The following PCDH15 variants were observed in gnomAD, a reference collection of about 807,000 sequenced individuals.
PCDH15 encodes the protein protocadherin-15.
A neutral mutation model predicts 178.5 loss-of-function variants in PCDH15; 129 were observed. That is an observed-to-expected ratio of 0.72 (90% confidence interval 0.63 to 0.84). PCDH15 has a LOEUF of 0.84. PCDH15 is among the 40% of genes least tolerant of loss of function. The pLI is 0.00. For synonymous variants in PCDH15, 800 were observed against 732.0 expected, an observed-to-expected ratio of 1.09 and a Z score of -1.50; for missense variants, 2,230 against 2,099.9, an observed-to-expected ratio of 1.06 and a Z score of -1.21.
At chr10:53,961,937 AAC>A (rs2088378385) in intron 21 of PCDH15, 45 bp from the exon 22 acceptor site, 1 of 1,433,996 alleles carries the variant, frequency 7.0e-7, no homozygotes, top group African/African-American at 1.4e-5. Context: ...ACCAAGTTAA[AAC>A]ACAGTGCAAT....
At chr10:55,259,039 T>C (rs574702567) in intron 1 of PCDH15, among the ~76,000 whole-genome samples, 2 of 152,270 alleles carry the variant, frequency 1.3e-5, no homozygotes, top group South Asian at 4.1e-4. Flanking sequence ...GTCAGGCAGA[T>C]GGATTTGAGA....
At chr10:54,362,112 C>T (rs1222254411) in intron 5 of PCDH15, among the ~76,000 whole-genome samples, 1 of 151,994 alleles carries the variant, frequency 6.6e-6, no homozygotes, top group Non-Finnish European at 1.5e-5. Context: ...ATTTGCTTGG[C>T]ACACAATGCA....
At chr10:54,023,538 T>C (rs1194736567) in intron 18 of PCDH15, among the ~76,000 whole-genome samples, 4 of 148,382 alleles carry the variant, frequency 2.7e-5, no homozygotes, top group Non-Finnish European at 6.0e-5. Context: ...GTAATTCATT[T>C]AACATAATCT....
chr10:53,890,131 A>C (rs1290523312), intron 26 of PCDH15, among the ~76,000 whole-genome samples: 1 of 152,226 alleles, frequency 6.6e-6, no homozygotes, highest in Non-Finnish European at 1.5e-5. Context: ...ATTATACATC[A>C]AAAATATTCT....
At chr10:54,810,993 A>G (rs1404290539) in intron 3 of PCDH15, among the ~76,000 whole-genome samples, 1 of 152,158 alleles carries the variant, frequency 6.6e-6, no homozygotes, top group Non-Finnish European at 1.5e-5. Context: ...AGCAAAAAGT[A>G]TCTGTAGAAA....
At chr10:54,395,829 T>A (rs192621025) in intron 3 of PCDH15, among the ~76,000 whole-genome samples, 1 of 152,320 alleles carries the variant, frequency 6.6e-6, no homozygotes, top group East Asian at 1.9e-4. Context: ...CATAAATATA[T>A]CTAATACATT....
intron 10 of PCDH15, among the ~76,000 whole-genome samples, chr10:54,210,944 T>C (rs1046874154): frequency 1.3e-5 from 2 of 152,098 alleles, no homozygotes; most frequent in East Asian, 3.9e-4. Context: ...GCAATTGTTA[T>C]TTGAAGAACT....
rs192419834 is a variant in PCDH15 at position 54,779,389 on chromosome 10, T to C, written c.-29+21536A>G. Among the ~76,000 whole-genome samples the C allele has an allele frequency of 8.4e-3, 853 of 101,358 alleles. 17 individuals carry two copies. The East Asian group carries it at 0.095, about 11-fold the overall frequency. The allele number at this position is 101,358 out of a possible 152,430, so 66.5% of individuals were successfully genotyped here. ...TAATATATATATTTATCTGTCTCTC[T>C]CTCTCTATATATATATGTATATATA... On this transcript the variant is annotated intron_variant, in intron 1 of 37. Coordinates refer to ENST00000644397, the MANE Select transcript of PCDH15 (RefSeq NM_001384140.1).
intron 1 of PCDH15, among the ~76,000 whole-genome samples, chr10:54,694,539 C>T (rs567566905): frequency 1.3e-5 from 2 of 152,092 alleles, no homozygotes; most frequent in Non-Finnish European, 2.9e-5. Flanking sequence ...CATTGTTTTT[C>T]CAATAGCATG....
intron 15 of PCDH15, among the ~76,000 whole-genome samples, chr10:54,119,560 C>G (rs73239926): frequency 0.36 from 54,182 of 151,874 alleles, 10,106 homozygotes; most frequent in Non-Finnish European, 0.42. Flanking sequence ...AGAAAACAAC[C>G]TGGAAATTAC....
At chr10:54,203,410 T>G (rs2133999447) in intron 10 of PCDH15, among the ~76,000 whole-genome samples, 1 of 152,298 alleles carries the variant, frequency 6.6e-6, no homozygotes, top group South Asian at 2.1e-4. Flanking sequence ...ACAGTATCAA[T>G]ATAGTTTTGG....
chr10:54,851,513 T>C (rs1410757777), intron 3 of PCDH15, among the ~76,000 whole-genome samples: 1 of 152,180 alleles, frequency 6.6e-6, no homozygotes, highest in East Asian at 1.9e-4. Context: ...CAATATAAAC[T>C]AACACAAGCC....
At chr10:54,837,193 A>C (rs1953331663) in intron 3 of PCDH15, among the ~76,000 whole-genome samples, 1 of 152,126 alleles carries the variant, frequency 6.6e-6, no homozygotes, top group African/African-American at 2.4e-5. Context: ...TCAAAACTAA[A>C]AGTTAGTAGA....
At chr10:54,814,260 A>G (rs1952914069) in intron 3 of PCDH15, among the ~76,000 whole-genome samples, 1 of 152,204 alleles carries the variant, frequency 6.6e-6, no homozygotes, top group South Asian at 2.1e-4. Context: ...CCCTTGCACT[A>G]TATTCCAGAA....
At chr10:55,483,888 G>A (rs1840240052) in intron 2 of PCDH15, among the ~76,000 whole-genome samples, 1 of 150,734 alleles carries the variant, frequency 6.6e-6, no homozygotes, top group Non-Finnish European at 1.5e-5. Context: ...CAATAGCAAA[G>A]ACATGAAAGC....
At chr10:54,494,325 A>G (rs2079907115) in intron 3 of PCDH15, among the ~76,000 whole-genome samples, 1 of 152,136 alleles carries the variant, frequency 6.6e-6, no homozygotes, top group African/African-American at 2.4e-5. Flanking sequence ...TACAACTTAG[A>G]TAAGACCCAC....
intron 18 of PCDH15, among the ~76,000 whole-genome samples, chr10:54,038,576 G>C (rs2135491311): frequency 6.6e-6 from 1 of 152,074 alleles, no homozygotes; most frequent in East Asian, 1.9e-4. Context: ...TCAGGCATCA[G>C]TCAGGATATG....
intron 23 of PCDH15, among the ~76,000 whole-genome samples, chr10:53,956,340 T>C (rs2087613437): frequency 6.6e-6 from 1 of 152,156 alleles, no homozygotes; most frequent in Admixed American, 6.5e-5. Flanking sequence ...CAGATACTGC[T>C]ATGTATTTCC....
chr10:54,763,132 C>T (rs1455049075), intron 1 of PCDH15, among the ~76,000 whole-genome samples: 2 of 152,082 alleles, frequency 1.3e-5, no homozygotes, highest in African/African-American at 2.4e-5. Context: ...GATGAACCCA[C>T]CCTGCTCTTT....
Sources: allele counts gnomAD v4.1 joint callset (sites outside exome capture counted in the v4.1 genomes callset), GRCh38; gene constraint gnomAD v4.1.1; transcripts MANE v1.5; gene names NCBI Gene and HGNC (gene_info 2026-07-23, HGNC 2026-07-21).